The following TMEM260 variants were observed in gnomAD, a reference collection of about 807,000 sequenced individuals.
TMEM260 encodes transmembrane protein 260, also known as protein O-mannosyl-transferase TMEM260.
A neutral mutation model predicts 88.9 loss-of-function variants in TMEM260; 82 were observed. The observed-to-expected ratio is 0.92, with a 90% confidence interval of 0.77 to 1.11. The LOEUF is 1.11. TMEM260 is among the 50% of genes least tolerant of loss of function. TMEM260 has a pLI of 0.00. For missense variants in TMEM260, 902 were observed against 853.4 expected (o/e 1.06, Z -0.71); for synonymous variants, 314 against 309.3 (o/e 1.02, Z -0.16).
chr14:56,596,808 C>T (rs10136298), intron 3 of TMEM260, among the ~76,000 whole-genome samples: 23,858 of 80,162 alleles, frequency 0.3, 3,097 homozygotes, highest in East Asian at 0.46. Flanking sequence ...TATATATATA[C>T]ACACACACAC....
chr14:56,651,971 T>A (rs909042078), downstream of TMEM260, among the ~76,000 whole-genome samples: 2 of 152,242 alleles, frequency 1.3e-5, no homozygotes, highest in African/African-American at 4.8e-5. Flanking sequence ...AAATGTAACC[T>A]TTTAAAGAAG....
intron 10 of TMEM260, among the ~76,000 whole-genome samples, chr14:56,620,964 G>A (rs527252380): frequency 1.3e-5 from 2 of 152,042 alleles, no homozygotes; most frequent in Admixed American, 6.6e-5. Flanking sequence ...CAGGAAACTC[G>A]TCCTCCCCTT....
At chr14:56,625,558 T>C (rs766292402) in intron 12 of TMEM260, 28 bp downstream of exon 12, 1 of 1,546,606 alleles carries the variant, frequency 6.5e-7, no homozygotes, top group Non-Finnish European at 8.8e-7. Flanking sequence ...ATAATAGCTT[T>C]TCTAAAATCT....
chr14:56,592,421 C>T (rs1039759859), intron 3 of TMEM260, among the ~76,000 whole-genome samples: 18 of 152,120 alleles, frequency 1.2e-4, no homozygotes, highest in African/African-American at 4.3e-4. Context: ...GTACCTGGCA[C>T]GTGTTAGATA....
At position 56,628,895 on chromosome 14, in the gene TMEM260, TC is replaced by T. The variant is rs906669847; in HGVS notation, c.1547+3366del. Among the ~76,000 whole-genome samples the T allele has an allele frequency of 5.5e-5, 7 of 126,518 alleles. No homozygotes were observed. In the South Asian group the frequency reaches 1.5e-3, roughly 27 times the overall value. 83.0% of individuals were successfully genotyped at this position (126,518 alleles called of 152,430 possible). On this transcript the variant is annotated intron_variant, in intron 12 of 15. Transcript: ENST00000261556. ...TTTAGATTAGTTGACTTTTTGTATT[TC>T]TTTTTTTTTTTTCTTTTGAGATGGA...
At chr14:56,585,067 CATT>C (rs1323651819) in intron 2 of TMEM260, 35 bp downstream of exon 2, 1 of 1,591,586 alleles carries the variant, frequency 6.3e-7, no homozygotes, top group Non-Finnish European at 8.6e-7. Flanking sequence ...TCAATGCTCT[CATT>C]AACAGTTTTA....
At chr14:56,624,875 G>GGGGGTT (rs1888145718) in intron 11 of TMEM260, among the ~76,000 whole-genome samples, 1 of 152,068 alleles carries the variant, frequency 6.6e-6, no homozygotes, top group Non-Finnish European at 1.5e-5. Context: ...TCCACAGACT[G>GGGGGTT]GGGGTTGGGG....
intron 11 of TMEM260, among the ~76,000 whole-genome samples, chr14:56,625,124 G>C (rs368176428): frequency 6.6e-6 from 1 of 152,272 alleles, no homozygotes; most frequent in East Asian, 1.9e-4. Context: ...AATGGGGGAA[G>C]GTCCTTCTGG....
At chr14:56,633,233 C>T in intron 13 of TMEM260, 62 bp downstream of exon 13, 1 of 1,382,162 alleles carries the variant, frequency 7.2e-7, no homozygotes, top group Non-Finnish European at 9.7e-7. Context: ...CCCAAAAAAA[C>T]TACTACATTT....
At chr14:56,658,486 T>C in the TMEM260 span, among the ~76,000 whole-genome samples, 3 of 151,896 alleles carry the variant, frequency 2.0e-5, no homozygotes, top group Non-Finnish European at 4.4e-5. Flanking sequence ...ACCACTCGCC[T>C]CAGCCTCCCA....
chr14:56,641,472 T>G (rs1889589297), intron 15 of TMEM260, among the ~76,000 whole-genome samples: 1 of 152,132 alleles, frequency 6.6e-6, no homozygotes, highest in South Asian at 2.1e-4. Context: ...TGCTGAGAGA[T>G]TTTGTCACCA....
In TMEM260 at chr14:56,632,993, A is replaced by C. The variant is rs1366963879; in HGVS notation, c.1548-2A>C. ...CATCATGTATTTTTCTGTTTCCAACAGAAAAGAAACATTTGTTTGCATAGG... is the reference window on the plus strand; with the variant it reads ...CATCATGTATTTTTCTGTTTCCAACCGAAAAGAAACATTTGTTTGCATAGG... On this transcript the variant is annotated splice_acceptor_variant, in intron 12 of 15. Coordinates refer to ENST00000261556, the MANE Select transcript of TMEM260 (RefSeq NM_017799.4). LOFTEE classifies it high-confidence loss of function. 12 of 1,612,960 alleles carry C rather than the reference A, an allele frequency of 7.4e-6. No individual in the cohort carries two copies. Among genetic ancestry groups the C allele is most frequent in the Non-Finnish European group, 7.6e-6 (9 of 1,179,406 alleles).
At chr14:56,583,590 A>C (rs1383684895) in intron 1 of TMEM260, among the ~76,000 whole-genome samples, 1 of 152,092 alleles carries the variant, frequency 6.6e-6, no homozygotes, top group East Asian at 1.9e-4. Context: ...ACCAACCAGA[A>C]TATAAGGCCA....
chr14:56,618,453 T>G, intron 9 of TMEM260, 141 bp from the exon 10 acceptor site: 1 of 731,528 alleles, frequency 1.4e-6, no homozygotes, highest in East Asian at 2.6e-5. Context: ...GGGCTTGGAT[T>G]GGGGAAATCA....
At chr14:56,638,967 C>G (rs1889349014) in intron 15 of TMEM260, among the ~76,000 whole-genome samples, 1 of 151,964 alleles carries the variant, frequency 6.6e-6, no homozygotes, top group African/African-American at 2.4e-5. Flanking sequence ...GTACATGTGA[C>G]TTAATAGGAC....
chr14:56,594,661 T>G (rs1886096984), intron 3 of TMEM260, among the ~76,000 whole-genome samples: 1 of 152,156 alleles, frequency 6.6e-6, no homozygotes, highest in East Asian at 1.9e-4. Flanking sequence ...ACTTTAGACT[T>G]TATGGATTAT....
intron 15 of TMEM260, among the ~76,000 whole-genome samples, chr14:56,645,701 A>T (rs1039673069): frequency 3.9e-5 from 6 of 152,176 alleles, no homozygotes; most frequent in Non-Finnish European, 8.8e-5. Context: ...GTAAAACAAC[A>T]ACAAAAAACT....
intron 3 of TMEM260, among the ~76,000 whole-genome samples, chr14:56,596,541 T>A (rs28529192): frequency 6.7e-6 from 1 of 149,186 alleles, no homozygotes; most frequent in Admixed American, 6.7e-5. Flanking sequence ...CCGAGGCGGG[T>A]GGATCACCTG....
intron 15 of TMEM260, among the ~76,000 whole-genome samples, chr14:56,641,801 A>C (rs900398797): frequency 6.6e-6 from 1 of 152,248 alleles, no homozygotes; most frequent in Non-Finnish European, 1.5e-5. Context: ...CATAGGCTCA[A>C]AATAAAGGGT....
Sources: allele counts gnomAD v4.1 joint callset (sites outside exome capture counted in the v4.1 genomes callset), GRCh38; gene constraint gnomAD v4.1.1; transcripts MANE v1.5; gene names NCBI Gene and HGNC (gene_info 2026-07-23, HGNC 2026-07-21).